ATL2: variants seen among roughly 807,000 people sequenced by gnomAD.
ATL2 encodes atlastin-2.
In ATL2, 31 loss-of-function variants were observed where a neutral mutation model predicts 73.9. The ratio of observed to expected loss-of-function variants is 0.42; its 90% CI spans 0.32 to 0.57. The LOEUF (loss-of-function observed/expected upper bound fraction) is 0.57. ATL2 is among the 20% of genes least tolerant of loss of function. ATL2 has a pLI of 0.14. For synonymous variants in ATL2, 291 were observed against 237.5 expected, an observed-to-expected ratio of 1.23 and a Z score of -2.07; for missense variants, 738 against 702.6, an observed-to-expected ratio of 1.05 and a Z score of -0.57.
chr2:38,324,628 A>G (rs1323319857), intron 2 of ATL2, among the ~76,000 whole-genome samples: 1 of 152,210 alleles, frequency 6.6e-6, no homozygotes, highest in Admixed American at 6.5e-5. Flanking sequence ...GGACAAATCA[A>G]TGAAATTATG....
At position 38,343,402 on chromosome 2, in the gene ATL2, C is replaced by A; in HGVS notation, c.229G>T (p.Glu77Ter). ...HEDDHNFELD[E>*]EALEQILLQE... ...AGCAATATCTGCTCCAAAGCTTCTT[C>A]ATCAAGTTCAAAGTTATGGTCATCT... is the stretch of plus-strand genomic sequence containing the variant. The change falls in exon 2 of 13, where the codon GAA (glutamate) becomes TAA (stop). Residue 77 changes from glutamate (E) to a stop codon, truncating the protein, a stop_gained. Coordinates refer to ENST00000378954, the MANE Select transcript of ATL2 (RefSeq NM_001135673.4). LOFTEE classifies it high-confidence loss of function. The A allele has an allele frequency of 6.2e-7, 1 of 1,613,020 alleles. No homozygotes were observed. Among genetic ancestry groups the A allele is most frequent in the Non-Finnish European group, 8.5e-7 (1 of 1,179,832 alleles).
intron 1 of ATL2, among the ~76,000 whole-genome samples, chr2:38,353,082 T>C (rs761422111): frequency 6.6e-6 from 1 of 151,972 alleles, no homozygotes; most frequent in Non-Finnish European, 1.5e-5. Context: ...AAGAAGGAAA[T>C]GTAGCCCATA....
At chr2:38,299,422 G>A in intron 10 of ATL2, 95 bp from the exon 11 acceptor site, 1 of 1,242,756 alleles carries the variant, frequency 8.0e-7, no homozygotes, top group Non-Finnish European at 1.1e-6. Context: ...AAACAAGTCT[G>A]AAAATGAACC....
In ATL2 at chr2:38,335,802, G is replaced by A. The variant is rs111876246; in HGVS notation, c.363+7466C>T. Among the ~76,000 whole-genome samples, 745 of 152,294 alleles carry A rather than the reference G, an allele frequency of 4.9e-3. 7 individuals are homozygous for A. The highest frequency in any genetic ancestry group is 0.017 in the African/African-American group (695 of 41,556). On this transcript the variant is annotated intron_variant, in intron 2 of 12. Coordinates refer to ENST00000378954, the MANE Select transcript of ATL2 (RefSeq NM_001135673.4). ...CACGCCTGTAATCCCAGCACTTTGG[G>A]AGGCTGACACAGGCAGACAATGAGG...
At chr2:38,371,583 A>T (rs1447115717) in intron 1 of ATL2, among the ~76,000 whole-genome samples, 1 of 152,156 alleles carries the variant, frequency 6.6e-6, no homozygotes, top group Non-Finnish European at 1.5e-5. Flanking sequence ...GGAAGGAAAA[A>T]AAAAAATGTT....
At chr2:38,323,126 C>G (rs1668413818) in intron 2 of ATL2, among the ~76,000 whole-genome samples, 1 of 152,044 alleles carries the variant, frequency 6.6e-6, no homozygotes, top group Non-Finnish European at 1.5e-5. Context: ...CTAAAGGCAG[C>G]CTTGCTGATA....
intron 2 of ATL2, among the ~76,000 whole-genome samples, chr2:38,326,919 C>G (rs575483319): frequency 6.6e-5 from 10 of 152,104 alleles, no homozygotes; most frequent in African/African-American, 2.4e-4. Flanking sequence ...ACCCAGAAGG[C>G]AGAGGTTGCA....
At chr2:38,324,688 T>C (rs935928460) in intron 2 of ATL2, among the ~76,000 whole-genome samples, 1 of 152,186 alleles carries the variant, frequency 6.6e-6, no homozygotes, top group Admixed American at 6.5e-5. Context: ...ACTACTTAGG[T>C]ACATGCTGAA....
intron 12 of ATL2, chr2:38,296,598 A>G (rs1339676311): frequency 1.2e-6 from 2 of 1,613,436 alleles, no homozygotes; most frequent in South Asian, 1.1e-5. Flanking sequence ...CACCTAAAAC[A>G]TGAAGTGATT....
chr2:38,315,515 G>A (rs999657430), intron 4 of ATL2, among the ~76,000 whole-genome samples, 181 bp from the exon 5 acceptor site: 1 of 152,030 alleles, frequency 6.6e-6, no homozygotes, highest in Admixed American at 6.6e-5. Context: ...CAATAGTCAA[G>A]ATAGAATATT....
At chr2:38,300,373 G>A (rs146127139) in intron 9 of ATL2, 45 bp from the exon 10 acceptor site, 1 of 1,363,122 alleles carries the variant, frequency 7.3e-7, no homozygotes, top group Admixed American at 1.7e-5. Context: ...TATGCAATTT[G>A]GCTCCACATC....
intron 1 of ATL2, among the ~76,000 whole-genome samples, chr2:38,357,985 T>C (rs751103543): frequency 2.6e-5 from 4 of 152,210 alleles, no homozygotes; most frequent in South Asian, 2.1e-4. Flanking sequence ...TCCACAGCAG[T>C]GCTAGTCAAG....
intron 1 of ATL2, among the ~76,000 whole-genome samples, chr2:38,367,223 C>G (rs1671379880): frequency 6.6e-6 from 1 of 152,004 alleles, no homozygotes; most frequent in African/African-American, 2.4e-5. Context: ...TCTAAGCTTG[C>G]TTTTCTTCTA....
At chr2:38,297,345 T>C (rs3213959) in intron 12 of ATL2, among the ~76,000 whole-genome samples, 49,804 of 152,076 alleles carry the variant, frequency 0.33, 8,369 homozygotes, top group South Asian at 0.47. Context: ...ATGCCTATTA[T>C]AGCGTTCGTC....
intron 6 of ATL2, among the ~76,000 whole-genome samples, chr2:38,314,021 A>G (rs1667894770): frequency 6.6e-6 from 1 of 152,240 alleles, no homozygotes. Context: ...AGGCAGAATC[A>G]ATGTAAACCC....
chr2:38,317,762 T>G (rs1273871247), intron 4 of ATL2, among the ~76,000 whole-genome samples: 1 of 151,948 alleles, frequency 6.6e-6, no homozygotes, highest in Non-Finnish European at 1.5e-5. Flanking sequence ...TAGCCATCTA[T>G]CTGATTTCAA....
At chr2:38,367,554 C>T (rs528184806) in intron 1 of ATL2, among the ~76,000 whole-genome samples, 114 of 131,936 alleles carry the variant, frequency 8.6e-4, no homozygotes, top group African/African-American at 3.1e-3. Context: ...TGCAGTGAGC[C>T]ACTGCACTCC....
At chr2:38,375,948 T>C (rs927775896) in intron 1 of ATL2, among the ~76,000 whole-genome samples, 2 of 152,240 alleles carry the variant, frequency 1.3e-5, no homozygotes, top group East Asian at 1.9e-4. Context: ...AATGATGAAG[T>C]ATATTTCAAA....
At chr2:38,320,623 T>A (rs1181465005) in intron 2 of ATL2, among the ~76,000 whole-genome samples, 2 of 152,284 alleles carry the variant, frequency 1.3e-5, no homozygotes, top group African/African-American at 4.8e-5. Context: ...TTGACAGACG[T>A]CAAGATCCCT....
Sources: allele counts gnomAD v4.1 joint callset (sites outside exome capture counted in the v4.1 genomes callset), GRCh38; gene constraint gnomAD v4.1.1; transcripts MANE v1.5; gene names NCBI Gene and HGNC (gene_info 2026-07-23, HGNC 2026-07-21).